Variants in HEATR5A observed in about 807,000 individuals in gnomAD.
HEATR5A encodes the protein HEAT repeat containing 5A.
In HEATR5A, 178 loss-of-function variants were observed where a neutral mutation model predicts 218.8. The observed-to-expected ratio is 0.81, with a 90% CI of 0.72 to 0.92. HEATR5A has a LOEUF of 0.92. Ranked by LOEUF, HEATR5A falls within the 40% of genes least tolerant of loss-of-function variation. The probability of loss-of-function intolerance (pLI) is 0.00; values close to 1 mark genes in which losing one functional copy is unlikely to be tolerated. For synonymous variants in HEATR5A, 864 were observed against 871.6 expected, an observed-to-expected ratio of 0.99 and a Z score of 0.15; for missense variants, 2,420 against 2,418.9, an observed-to-expected ratio of 1.00 and a Z score of -0.01.
At chr14:31,376,763 G>T (rs754409279) in intron 11 of HEATR5A, among the ~76,000 whole-genome samples, 1 of 152,020 alleles carries the variant, frequency 6.6e-6, no homozygotes, top group Non-Finnish European at 1.5e-5. Context: ...TAAAGGGAAT[G>T]AAAAAAACAG....
chr14:31,323,985 C>T (rs1054931291), intron 23 of HEATR5A, among the ~76,000 whole-genome samples, 181 bp from the exon 24 acceptor site: 2 of 152,044 alleles, frequency 1.3e-5, no homozygotes, highest in Admixed American at 1.3e-4. Context: ...TACAACTAAA[C>T]AGCTGTCTAA....
At chr14:31,301,354 C>CT (rs548468637) in intron 33 of HEATR5A, among the ~76,000 whole-genome samples, 49 of 152,232 alleles carry the variant, frequency 3.2e-4, no homozygotes, top group African/African-American at 1.1e-3. Context: ...CTCCCAGGTT[C>CT]AAGTGATTCT....
intron 16 of HEATR5A, 135 bp downstream of exon 16, chr14:31,358,498 GAATA>G: frequency 5.3e-6 from 4 of 754,524 alleles, no homozygotes; most frequent in Non-Finnish European, 8.5e-6. Context: ...TTAGCCAAGT[GAATA>G]ATTAAACAAA....
chr14:31,368,675 G>A (rs1437114137), intron 13 of HEATR5A, among the ~76,000 whole-genome samples: 2 of 151,382 alleles, frequency 1.3e-5, no homozygotes, highest in Admixed American at 1.3e-4. Context: ...GACTACTAGT[G>A]AGCATCAGTA....
intron 33 of HEATR5A, chr14:31,296,340 T>C: frequency 9.8e-6 from 3 of 307,638 alleles, no homozygotes; most frequent in Non-Finnish European, 1.2e-5. Flanking sequence ...TGTGTGACTT[T>C]GGACATCTAA....
chr14:31,378,986 G>A (rs1273822320), intron 11 of HEATR5A, among the ~76,000 whole-genome samples: 1 of 149,842 alleles, frequency 6.7e-6, no homozygotes, highest in South Asian at 2.2e-4. Flanking sequence ...CTGTCACCCA[G>A]GCTGGAGTGC....
At chr14:31,356,147 T>TA (rs1167393767) in intron 16 of HEATR5A, among the ~76,000 whole-genome samples, 1 of 152,228 alleles carries the variant, frequency 6.6e-6, no homozygotes, top group Non-Finnish European at 1.5e-5. Context: ...ATGTAGTTTC[T>TA]ATCTTCTGGT....
intron 1 of HEATR5A, among the ~76,000 whole-genome samples, chr14:31,411,804 A>G (rs1324074770): frequency 3.9e-5 from 6 of 152,192 alleles, no homozygotes; most frequent in Non-Finnish European, 8.8e-5. Flanking sequence ...TAATCATTAA[A>G]GACTAGCATA....
intron 13 of HEATR5A, among the ~76,000 whole-genome samples, chr14:31,370,212 C>T (rs1319769571): frequency 3.4e-5 from 5 of 148,288 alleles, no homozygotes; most frequent in Non-Finnish European, 4.4e-5. Flanking sequence ...GGTGACAGAG[C>T]GAGACTACGT....
At chr14:31,394,310 G>T in intron 5 of HEATR5A, 84 bp from the exon 6 acceptor site, 1 of 695,342 alleles carries the variant, frequency 1.4e-6, no homozygotes, top group Non-Finnish European at 2.2e-6. Context: ...GAAACTATCA[G>T]CGTCTAACAA....
chr14:31,351,564 T>A (rs1315853601), intron 16 of HEATR5A, among the ~76,000 whole-genome samples: 2 of 151,358 alleles, frequency 1.3e-5, no homozygotes, highest in Admixed American at 6.6e-5. Flanking sequence ...TAATGTTAAA[T>A]GAAAAAAGCA....
rs141876788 is a variant in HEATR5A, at chr14:31,370,677, C to T, written c.1961+1133G>A. Among the ~76,000 whole-genome samples, 481 of 152,174 alleles carry T rather than the reference C, an allele frequency of 3.2e-3. 3 individuals are homozygous for T. Among genetic ancestry groups the T allele is most frequent in the African/African-American group, 0.011 (462 of 41,512 alleles). On this transcript the variant is annotated intron_variant, in intron 13 of 35. Transcript: ENST00000543095. Reference sequence around the variant, plus strand: ...TTAAAAGCAGAAAATTGGAAACAACCCAGAAGTCCATTGACAAGAGAATCA... The same window carrying T: ...TTAAAAGCAGAAAATTGGAAACAACTCAGAAGTCCATTGACAAGAGAATCA...
chr14:31,313,740 G>A (rs906604943), intron 27 of HEATR5A, among the ~76,000 whole-genome samples: 4 of 152,150 alleles, frequency 2.6e-5, no homozygotes, highest in Non-Finnish European at 5.9e-5. Flanking sequence ...GTGGAAAACT[G>A]ATGAACTTAT....
chr14:31,316,447 CA>C (rs1481678296), intron 26 of HEATR5A, among the ~76,000 whole-genome samples: 1 of 152,020 alleles, frequency 6.6e-6, no homozygotes, highest in Non-Finnish European at 1.5e-5. Flanking sequence ...TAATGATAGT[CA>C]AAAGTCAGCA....
chr14:31,389,130 T>C, intron 6 of HEATR5A, 125 bp from the exon 7 acceptor site: 1 of 861,616 alleles, frequency 1.2e-6, no homozygotes, highest in Non-Finnish European at 1.8e-6. Flanking sequence ...AATGCAAAAT[T>C]TACAGAACAG....
chr14:31,400,360 A>G lies in HEATR5A; in HGVS notation c.279T>C (p.Asp93=), dbSNP rs1229671272. 10 of 1,535,914 alleles carry G rather than the reference A, an allele frequency of 6.5e-6. No homozygotes were observed. The highest frequency in any genetic ancestry group is 4.4e-6 in the Non-Finnish European group (5 of 1,146,730). ...GDTFSVHEAI[D]KCNDLIRSKD... ...TGCTACGAATAAGATCATTACATTT[A>G]TCGATTGCTTCATGAACGGAGAATG... Residue 93 remains aspartate, a synonymous_variant, in exon 3 of 36, where the codon GAT becomes GAC. Transcript: ENST00000543095.
At chr14:31,310,677 A>T (rs917484844) in intron 28 of HEATR5A, among the ~76,000 whole-genome samples, 5 of 151,478 alleles carry the variant, frequency 3.3e-5, no homozygotes, top group Non-Finnish European at 7.4e-5. Context: ...TAAATAAATA[A>T]TTTTTTTTCC....
At position 31,315,931 on chromosome 14, in the gene HEATR5A, C is replaced by A; in HGVS notation, c.4057G>T (p.Ala1353Ser). 1 of 1,558,594 alleles carries A rather than the reference C, an allele frequency of 6.4e-7. No individual in the cohort carries two copies. The highest frequency in any genetic ancestry group is 8.7e-7 in the Non-Finnish European group (1 of 1,151,302). The change falls in exon 27 of 36, where the codon GCA becomes TCA. Residue 1353 changes from alanine to serine, a missense_variant. Ala to Ser is a moderately conservative substitution (Grantham distance 99). Transcript: ENST00000543095. The stretch of plus-strand genomic sequence containing the variant: ...TTAAGGTCACTTACAACTCCACTTG[C>A]TATCCAGGCACTGCAAACCTAGTTT... Reference protein sequence around the residue: ...KACQVCSAWIASGVVSDLNDL... With the variant: ...KACQVCSAWISSGVVSDLNDL...
chr14:31,326,789 C>A (rs1057275905), intron 22 of HEATR5A, among the ~76,000 whole-genome samples: 1 of 151,754 alleles, frequency 6.6e-6, no homozygotes, highest in Non-Finnish European at 1.5e-5. Context: ...ATTACAGGCA[C>A]CCGCCACCAC....
Sources: gnomAD v4.1 joint callset for allele counts (sites outside exome capture counted in the v4.1 genomes callset) on GRCh38, gnomAD v4.1.1 for gene constraint, MANE v1.5 for transcripts, NCBI Gene and HGNC (gene_info 2026-07-23, HGNC 2026-07-21) for gene names.